Variants in SKI observed in about 807,000 individuals in gnomAD.
The protein encoded by SKI is SKI proto-oncogene, also known as ski oncogene.
SKI carries 23 observed loss-of-function variants against 59.3 expected under a neutral mutation model. The observed-to-expected ratio is 0.39, with a 90% CI of 0.28 to 0.55. SKI has a LOEUF of 0.55. Ranked by LOEUF, SKI falls within the 20% of genes least tolerant of loss-of-function variation. The pLI is 0.67. For missense variants in SKI, 1,017 were observed against 1,038.9 expected, an observed-to-expected ratio of 0.98 and a Z score of 0.29; for synonymous variants, 673 against 488.6, an observed-to-expected ratio of 1.38 and a Z score of -4.98.
At chr1:2,271,252 G>A (rs1324408084) in intron 1 of SKI, among the ~76,000 whole-genome samples, 1 of 152,270 alleles carries the variant, frequency 6.6e-6, no homozygotes, top group Non-Finnish European at 1.5e-5. Context: ...GGCTCCAGGG[G>A]CTTTTGTTCA....
chr1:2,284,518 A>G (rs1639989451), intron 1 of SKI, among the ~76,000 whole-genome samples: 1 of 152,210 alleles, frequency 6.6e-6, no homozygotes, highest in South Asian at 2.1e-4. Context: ...GGAGCAGGGC[A>G]GATGCAGCTG....
chr1:2,253,082 T>G (rs1639196793), intron 1 of SKI, among the ~76,000 whole-genome samples: 2 of 136,702 alleles, frequency 1.5e-5, no homozygotes, highest in East Asian at 2.3e-4. Context: ...GGTGATGGAG[T>G]GAGACCCTGT....
Position 2,229,019 on chromosome 1 carries a change from G to T in SKI, c.253G>T (p.Val85Leu). 1 of 1,592,908 alleles carries T rather than the reference G, an allele frequency of 6.3e-7. No homozygotes were observed. Among genetic ancestry groups the T allele is most frequent in the Non-Finnish European group, 8.5e-7 (1 of 1,175,834 alleles). ...GCCCGCCATCCAGCCGCCGCCGCCC[G>T]TGCTGCCCGGGCCCTTCTTCATGCC... ...HLPAIQPPPP[V>L]LPGPFFMPSD... The change falls in exon 1 of 7, where the codon GTG becomes TTG. Residue 85 changes from valine to leucine, a missense_variant. Val to Leu is a conservative substitution (Grantham distance 32, BLOSUM62 1). Coordinates refer to ENST00000378536, the MANE Select transcript of SKI (RefSeq NM_003036.4). This position sits in a 1 kb window ranked among gnomAD's most constrained non-coding sequence, Gnocchi z 6.3.
chr1:2,241,031 C>T (rs555042304), intron 1 of SKI, among the ~76,000 whole-genome samples: 16 of 152,232 alleles, frequency 1.1e-4, no homozygotes, highest in Non-Finnish European at 1.3e-4. Flanking sequence ...CCCCACATCC[C>T]TGGCCTCTGC....
intron 1 of SKI, among the ~76,000 whole-genome samples, chr1:2,293,448 G>A (rs983858979): frequency 3.4e-5 from 5 of 146,606 alleles, no homozygotes; most frequent in Admixed American, 2.1e-4. Context: ...ACATCTGGAA[G>A]GTTCTCCTGC....
At chr1:2,284,455 G>A (rs1014888112) in intron 1 of SKI, among the ~76,000 whole-genome samples, 7 of 152,308 alleles carry the variant, frequency 4.6e-5, no homozygotes, top group Middle Eastern at 6.8e-3. Context: ...ATTGGGCAAC[G>A]GCAGCTCCGT....
chr1:2,300,401 G>T (rs1178601984), intron 1 of SKI, among the ~76,000 whole-genome samples: 33 of 151,724 alleles, frequency 2.2e-4, no homozygotes, highest in Admixed American at 2.2e-3. Flanking sequence ...CCCCAGGAAG[G>T]GTCACACCAG....
intron 6 of SKI, 127 bp from the exon 7 acceptor site, chr1:2,306,450 G>GA: frequency 9.2e-7 from 1 of 1,085,800 alleles, no homozygotes; most frequent in Non-Finnish European, 1.3e-6. Context: ...CTAGCAGGTG[G>GA]AGGAGGGGCC....
Position 2,299,077 on chromosome 1 carries a change from A to C in SKI, c.970-3901A>C, listed in dbSNP as rs1640359266. Among the ~76,000 whole-genome samples the C allele has an allele frequency of 2.0e-5, 3 of 152,240 alleles. No homozygotes were observed. The South Asian group carries it at 6.2e-4, about 31-fold the overall frequency. ...GTGGATTTGGGGTGTGAATTCTCTC[A>C]GCAAAGGCTGACTCAGACCCCAGTG... On this transcript the variant is annotated intron_variant, in intron 1 of 6. Coordinates refer to ENST00000378536, the MANE Select transcript of SKI (RefSeq NM_003036.4).
At position 2,304,389 on chromosome 1, in the gene SKI, C is replaced by T. The variant is rs1569861729; in HGVS notation, c.1571C>T (p.Ala524Val). ...CCGGGTGCGCGTGCCCTGCCCTCGGCCGTCCCTGATGCTGCGGCCCCTGCC... is the reference window on the plus strand; with the variant it reads ...CCGGGTGCGCGTGCCCTGCCCTCGGTCGTCCCTGATGCTGCGGCCCCTGCC... ...GSPGARALPS[A>V]VPDAAAPADA... Residue 524 changes from alanine (A) to valine (V), a missense_variant, in exon 5 of 7, where the codon GCC becomes GTC. By Grantham distance (64) the Ala-to-Val change is moderately conservative. Coordinates refer to ENST00000378536, the MANE Select transcript of SKI (RefSeq NM_003036.4). The T allele has an allele frequency of 1.9e-6, 3 of 1,552,222 alleles. No homozygotes were observed. The South Asian group carries it at 3.6e-5, about 18-fold the overall frequency.
intron 1 of SKI, among the ~76,000 whole-genome samples, chr1:2,231,226 G>T (rs929034666): frequency 6.6e-6 from 1 of 152,006 alleles, no homozygotes; most frequent in Non-Finnish European, 1.5e-5. Context: ...GCCACATGTC[G>T]GGGGGGATTG....
intron 1 of SKI, among the ~76,000 whole-genome samples, chr1:2,234,212 C>T (rs1638703627): frequency 6.6e-6 from 1 of 152,124 alleles, no homozygotes; most frequent in African/African-American, 2.4e-5. Flanking sequence ...TTGACCTCTG[C>T]CCACCCCAGC....
chr1:2,255,858 C>T (rs527957908), intron 1 of SKI, among the ~76,000 whole-genome samples: 34 of 150,992 alleles, frequency 2.3e-4, no homozygotes, highest in Non-Finnish European at 4.0e-4. Flanking sequence ...ATGCTGTGTC[C>T]GGATTGCATT....
intron 1 of SKI, among the ~76,000 whole-genome samples, chr1:2,274,455 C>T (rs1639698410): frequency 6.6e-6 from 1 of 152,094 alleles, no homozygotes; most frequent in Non-Finnish European, 1.5e-5. Context: ...GTGGGGCTGC[C>T]TCTCGCTCGC....
chr1:2,300,682 T>C (rs1217729303), intron 1 of SKI, among the ~76,000 whole-genome samples: 2 of 152,202 alleles, frequency 1.3e-5, no homozygotes, highest in Admixed American at 1.3e-4. Flanking sequence ...TCTCTGATGC[T>C]GCAGAGAGCC....
chr1:2,290,836 T>C (rs1349569659), intron 1 of SKI, among the ~76,000 whole-genome samples: 1 of 152,226 alleles, frequency 6.6e-6, no homozygotes, highest in African/African-American at 2.4e-5. Flanking sequence ...ACACTCTTAA[T>C]TGAGTCCGAT....
intron 1 of SKI, among the ~76,000 whole-genome samples, chr1:2,276,258 C>T (rs1246043818): frequency 1.3e-5 from 2 of 151,684 alleles, no homozygotes; most frequent in Non-Finnish European, 2.9e-5. Flanking sequence ...GGAGGGACAG[C>T]GCAGCAGGCT....
chr1:2,286,199 C>A (rs979050139), intron 1 of SKI, among the ~76,000 whole-genome samples: 1 of 152,192 alleles, frequency 6.6e-6, no homozygotes, highest in Non-Finnish European at 1.5e-5. Context: ...TTGTGTAATG[C>A]CAGTTTAAGA....
intron 1 of SKI, among the ~76,000 whole-genome samples, chr1:2,291,568 G>A (rs1004342125): frequency 2.0e-4 from 31 of 152,320 alleles, no homozygotes; most frequent in African/African-American, 5.5e-4. Context: ...AGCCCTCCCC[G>A]GGACAGCAGC....
Sources: gnomAD v4.1 joint callset for allele counts (sites outside exome capture counted in the v4.1 genomes callset) on GRCh38, gnomAD v4.1.1 for gene constraint, Gnocchi (gnomAD v3.1) non-coding constraint, MANE v1.5 for transcripts, NCBI Gene and HGNC (gene_info 2026-07-23, HGNC 2026-07-21) for gene names.